SCUBE1: variants seen among roughly 807,000 people sequenced by gnomAD.
The protein encoded by SCUBE1 is signal peptide, CUB domain and EGF like domain containing 1.
SCUBE1 carries 59 observed loss-of-function variants against 124.4 expected under a neutral mutation model. The ratio of observed to expected loss-of-function variants is 0.47; its 90% confidence interval spans 0.38 to 0.59. The LOEUF (loss-of-function observed/expected upper bound fraction) is 0.59, where lower values mean the gene tolerates loss of function less well. Ranked by LOEUF, SCUBE1 falls within the 20% of genes least tolerant of loss-of-function variation. The pLI is 0.00. For synonymous variants in SCUBE1, 545 were observed against 550.9 expected (o/e 0.99, Z 0.15); for missense variants, 1,150 against 1,371.2 (o/e 0.84, Z 2.55).
At chr22:43,216,687 A>C (rs1047833051) in intron 15 of SCUBE1, among the ~76,000 whole-genome samples, 1 of 151,952 alleles carries the variant, frequency 6.6e-6, no homozygotes. Flanking sequence ...AGAAAGTAGA[A>C]GATGACATCA....
At chr22:43,303,051 C>T (rs138249187) in intron 3 of SCUBE1, among the ~76,000 whole-genome samples, 113 of 152,348 alleles carry the variant, frequency 7.4e-4, no homozygotes, top group Admixed American at 1.6e-3. Context: ...GCCAGTTCAT[C>T]CTGCCAGACT....
At chr22:43,306,959 C>A (rs1007363157) in intron 3 of SCUBE1, among the ~76,000 whole-genome samples, 21 of 152,204 alleles carry the variant, frequency 1.4e-4, no homozygotes, top group African/African-American at 5.1e-4. Flanking sequence ...ATGACCCCCA[C>A]GGCAGGTCTG....
At chr22:43,295,446 T>C (rs1601868474) in intron 3 of SCUBE1, among the ~76,000 whole-genome samples, 1 of 152,042 alleles carries the variant, frequency 6.6e-6, no homozygotes, top group East Asian at 1.9e-4. Context: ...GACAGGAGGG[T>C]AAATGGGATG....
At chr22:43,308,457 A>C (rs762985478) in intron 3 of SCUBE1, among the ~76,000 whole-genome samples, 1 of 152,248 alleles carries the variant, frequency 6.6e-6, no homozygotes, top group Admixed American at 6.5e-5. Context: ...TTTTACATTA[A>C]GATGATCAGC....
chr22:43,332,034 C>A (rs923957433), intron 2 of SCUBE1, among the ~76,000 whole-genome samples: 1 of 152,184 alleles, frequency 6.6e-6, no homozygotes, highest in Non-Finnish European at 1.5e-5. Flanking sequence ...TGCCTATAAT[C>A]CCAGCACTTT....
intron 12 of SCUBE1, among the ~76,000 whole-genome samples, chr22:43,221,642 G>A (rs1308653563): frequency 1.3e-5 from 2 of 152,228 alleles, no homozygotes; most frequent in Non-Finnish European, 2.9e-5. Context: ...AGGACAGCAA[G>A]GAAGGGAAGG....
At chr22:43,214,373 C>A in intron 15 of SCUBE1, 122 bp from the exon 16 acceptor site, 1 of 939,278 alleles carries the variant, frequency 1.1e-6, no homozygotes, top group South Asian at 1.7e-5. Context: ...GCCCCAAGGA[C>A]ACAGAGGGGC....
At chr22:43,291,465 G>A (rs1242503319) in intron 3 of SCUBE1, among the ~76,000 whole-genome samples, 3 of 93,760 alleles carry the variant, frequency 3.2e-5, no homozygotes, top group African/African-American at 6.2e-5. Context: ...TCTCCATCGC[G>A]CTGTGCTACA....
At chr22:43,215,056 C>G (rs1244200801) in intron 15 of SCUBE1, among the ~76,000 whole-genome samples, 1 of 152,154 alleles carries the variant, frequency 6.6e-6, no homozygotes, top group Non-Finnish European at 1.5e-5. Flanking sequence ...GATGAGAGGG[C>G]CTAGAGGCAG....
chr22:43,220,054 T>G (rs1291067729), intron 14 of SCUBE1, among the ~76,000 whole-genome samples: 1 of 152,204 alleles, frequency 6.6e-6, no homozygotes, highest in East Asian at 1.9e-4. Context: ...AGCAAAGTGC[T>G]GCTGTGACAC....
At chr22:43,310,409 A>G (rs1446649551) in intron 3 of SCUBE1, among the ~76,000 whole-genome samples, 2 of 152,222 alleles carry the variant, frequency 1.3e-5, no homozygotes, top group Non-Finnish European at 2.9e-5. Flanking sequence ...CCCAGCGGCC[A>G]TGATGTGCGG....
In SCUBE1 at chr22:43,308,669, G is replaced by A. The variant is rs139208136; in HGVS notation, c.349+11268C>T. Among the ~76,000 whole-genome samples the A allele has an allele frequency of 5.8e-3, 878 of 152,318 alleles. 4 individuals are homozygous for A. The highest frequency in any genetic ancestry group is 0.019 in the African/African-American group (793 of 41,550). ...AGCGGAGGGAGAGCTGGAGCGCGGC[G>A]CCTGCACGGAGCATCTGGGCACTCG... On this transcript the variant is annotated intron_variant, in intron 3 of 21. Transcript: ENST00000360835.
intron 4 of SCUBE1, among the ~76,000 whole-genome samples, chr22:43,285,928 C>T (rs1925122157): frequency 6.6e-6 from 1 of 152,228 alleles, no homozygotes; most frequent in Non-Finnish European, 1.5e-5. Context: ...CAAGGACCAC[C>T]AGCTCGCTAG....
intron 2 of SCUBE1, among the ~76,000 whole-genome samples, chr22:43,337,722 T>C (rs551021566): frequency 6.6e-5 from 10 of 152,270 alleles, no homozygotes; most frequent in African/African-American, 2.2e-4. Flanking sequence ...GCTCAACAAA[T>C]GTGAAGGATA....
chr22:43,323,494 AC>A (rs1369926427), intron 2 of SCUBE1, among the ~76,000 whole-genome samples: 19 of 152,076 alleles, frequency 1.2e-4, no homozygotes, highest in Non-Finnish European at 1.5e-4. Context: ...CCAAATGTTC[AC>A]CCATACATCC....
At chr22:43,212,828 T>C (rs1921629144) in intron 16 of SCUBE1, 2 of 551,836 alleles carry the variant, frequency 3.6e-6, no homozygotes, top group African/African-American at 3.9e-5. Flanking sequence ...TGGCTCTCCT[T>C]CTCCCACCAG....
At position 43,198,522 on chromosome 22, in the gene SCUBE1, C is replaced by A. The variant is rs751815634; in HGVS notation, c.*5475G>T. On this transcript the variant is annotated 3_prime_UTR_variant, in exon 22 of 22. Transcript: ENST00000360835. ...GGTGCTGTGGGGGCAGAGGCAGCCG[C>A]GGTAGAATAGGAGGCGCTCTCTGCT... 16 of 456,348 alleles carry A rather than the reference C, an allele frequency of 3.5e-5. No individual in the cohort carries two copies. Among genetic ancestry groups the A allele is most frequent in the Non-Finnish European group, 6.6e-5 (15 of 226,822 alleles). 28.3% of individuals were successfully genotyped at this position (456,348 alleles called of 1,614,324 possible).
In SCUBE1 at chr22:43,210,209, G is replaced by A. The variant is rs34449827; in HGVS notation, c.2415C>T (p.Tyr805=). The A allele has an allele frequency of 0.013, 20,502 of 1,580,942 alleles. 773 individuals are homozygous for A. The highest frequency in any genetic ancestry group is 0.1 in the South Asian group (9,088 of 87,058). ...NQHCGGELGD[Y]TGYIESPNYP... ...AGTTGGGGGACTCGATGTAGCCGGT[G>A]TAGTCACCAAGCTCGCCGCCGCAGT... Residue 805 remains tyrosine (Y), a synonymous_variant, in exon 19 of 22, where the codon TAC becomes TAT. Coordinates refer to ENST00000360835, the MANE Select transcript of SCUBE1 (RefSeq NM_173050.5). The surrounding 1 kb of genome is among the most constrained non-coding windows in gnomAD (Gnocchi z 4.5).
chr22:43,290,391 G>A (rs1925312997), intron 4 of SCUBE1, among the ~76,000 whole-genome samples: 1 of 152,170 alleles, frequency 6.6e-6, no homozygotes, highest in African/African-American at 2.4e-5. Context: ...CTGCTGCCCT[G>A]AGCCGAAACT....
Sources: allele counts gnomAD v4.1 joint callset (sites outside exome capture counted in the v4.1 genomes callset), GRCh38; gene constraint gnomAD v4.1.1; non-coding constraint Gnocchi (gnomAD v3.1); transcripts MANE v1.5; gene names NCBI Gene and HGNC (gene_info 2026-07-23, HGNC 2026-07-21).